GPR139: variants seen among roughly 807,000 people sequenced by gnomAD.
The protein encoded by GPR139 is probable G protein-coupled receptor 139.
GPR139 carries 12 observed loss-of-function variants against 25.8 expected under a neutral mutation model. That is an observed-to-expected ratio of 0.47 (90% CI 0.30 to 0.75). GPR139 has a LOEUF of 0.75. Ranked by LOEUF, GPR139 falls within the 30% of genes least tolerant of loss-of-function variation. The pLI is 0.07. For missense variants in GPR139, 380 were observed against 450.2 expected, an observed-to-expected ratio of 0.84 and a Z score of 1.41; for synonymous variants, 184 against 179.9, an observed-to-expected ratio of 1.02 and a Z score of -0.18.
intron 1 of GPR139, among the ~76,000 whole-genome samples, chr16:20,045,127 G>A (rs1046415907): frequency 3.3e-5 from 5 of 151,238 alleles, no homozygotes; most frequent in African/African-American, 1.2e-4. Flanking sequence ...AGCCTCCCGA[G>A]ATGCTGGGAT....
chr16:20,070,005 G>A lies in GPR139; in HGVS notation c.127+3485C>T, dbSNP rs1328420191. On this transcript the variant is annotated intron_variant, in intron 1 of 1. Coordinates refer to ENST00000570682, the MANE Select transcript of GPR139 (RefSeq NM_001002911.4). ...GAGTTTTAGGAATAGGTGGGACACCGATTTTCTCCACAGAGCACAGAAAGG... is the reference window on the plus strand; with the variant it reads ...GAGTTTTAGGAATAGGTGGGACACCAATTTTCTCCACAGAGCACAGAAAGG... 5.9e-5 allele frequency among the ~76,000 whole-genome samples: 9 copies of A among 152,300 alleles called. No individual in the cohort carries two copies. The South Asian group carries it at 8.3e-4, about 14-fold the overall frequency.
At chr16:20,064,533 C>T (rs1416822679) in intron 1 of GPR139, among the ~76,000 whole-genome samples, 1 of 152,192 alleles carries the variant, frequency 6.6e-6, no homozygotes, top group Admixed American at 6.5e-5. Flanking sequence ...CACACTGGGA[C>T]TCTGCCTCAA....
chr16:20,032,724 T>C, intron 1 of GPR139, 55 bp from the exon 2 acceptor site: 29 of 1,314,004 alleles, frequency 2.2e-5, no homozygotes, highest in Non-Finnish European at 2.9e-5. Flanking sequence ...CTTCGTTGGC[T>C]CCTATGGGGG....
At chr16:20,045,428 C>T (rs1780711734) in intron 1 of GPR139, among the ~76,000 whole-genome samples, 1 of 152,182 alleles carries the variant, frequency 6.6e-6, no homozygotes. Flanking sequence ...AAAGTATGTG[C>T]AAGACCCAGG....
At chr16:20,040,801 G>T (rs1379575) in intron 1 of GPR139, among the ~76,000 whole-genome samples, 1 of 151,930 alleles carries the variant, frequency 6.6e-6, no homozygotes, top group Non-Finnish European at 1.5e-5. Context: ...GAACTTTTTT[G>T]ATTGCAATGG....
chr16:20,046,307 CAG>C (rs1555466094), intron 1 of GPR139, among the ~76,000 whole-genome samples: 1 of 152,212 alleles, frequency 6.6e-6, no homozygotes, highest in Non-Finnish European at 1.5e-5. Flanking sequence ...GTTCCAGACA[CAG>C]AGATGCAGTG....
At chr16:20,044,801 C>T (rs1338742414) in intron 1 of GPR139, among the ~76,000 whole-genome samples, 3 of 151,938 alleles carry the variant, frequency 2.0e-5, no homozygotes, top group African/African-American at 7.3e-5. Flanking sequence ...ATTTTCATCC[C>T]CTTACAGATA....
At chr16:20,066,215 C>T (rs2057433503) in intron 1 of GPR139, among the ~76,000 whole-genome samples, 1 of 152,232 alleles carries the variant, frequency 6.6e-6, no homozygotes, top group Non-Finnish European at 1.5e-5. Context: ...CTCTGCAGGG[C>T]TGGCATTGGC....
Position 20,032,539 on chromosome 16 carries a change from C to T in GPR139, c.258G>A (p.Leu86=). The T allele has an allele frequency of 1.2e-6, 2 of 1,614,164 alleles. No homozygotes were observed. The highest frequency in any genetic ancestry group is 1.7e-6 in the Non-Finnish European group (2 of 1,180,020). The change falls in exon 2 of 2, where the codon CTG becomes CTA. Residue 86 remains leucine (L), a synonymous_variant. Coordinates refer to ENST00000570682, the MANE Select transcript of GPR139 (RefSeq NM_001002911.4). ...GCATGTTCAAGATGAAATCTTCCAA[C>T]AGGAAGTCCACAAACACTATGAAAA... ...VLFFIVFVDF[L]LEDFILNMQM... is the part of the protein sequence containing the mutation.
chr16:20,061,227 G>GTGTGGATGGA (rs1567239888), intron 1 of GPR139, among the ~76,000 whole-genome samples: 24 of 77,844 alleles, frequency 3.1e-4, no homozygotes, highest in African/African-American at 7.8e-4. Flanking sequence ...GGATGGATGT[G>GTGTGGATGGA]TGGATGGATG....
intron 1 of GPR139, among the ~76,000 whole-genome samples, chr16:20,055,289 A>G (rs114032223): frequency 5.1e-4 from 78 of 152,330 alleles, no homozygotes; most frequent in African/African-American, 1.8e-3. Flanking sequence ...CATTATCTTT[A>G]GCAAACTAAC....
chr16:20,072,089 T>G (rs1374064113), intron 1 of GPR139, among the ~76,000 whole-genome samples: 1 of 152,142 alleles, frequency 6.6e-6, no homozygotes, highest in Non-Finnish European at 1.5e-5. Flanking sequence ...GAACCTGGAC[T>G]AAAATCAATC....
chr16:20,063,183 T>C (rs893355029), intron 1 of GPR139, among the ~76,000 whole-genome samples: 1 of 152,218 alleles, frequency 6.6e-6, no homozygotes, highest in Non-Finnish European at 1.5e-5. Flanking sequence ...GGCACGTGTA[T>C]ATAACCACCC....
chr16:20,048,662 G>A (rs2057361783), intron 1 of GPR139, among the ~76,000 whole-genome samples: 1 of 152,130 alleles, frequency 6.6e-6, no homozygotes, highest in South Asian at 2.1e-4. Flanking sequence ...GAGAATGACA[G>A]CCAACTGTGG....
intron 1 of GPR139, among the ~76,000 whole-genome samples, chr16:20,037,119 C>G (rs963209122): frequency 6.6e-6 from 1 of 152,094 alleles, no homozygotes; most frequent in Non-Finnish European, 1.5e-5. Flanking sequence ...GGGGTGGTAA[C>G]TTTTAGATTA....
intron 1 of GPR139, among the ~76,000 whole-genome samples, chr16:20,071,583 G>C (rs1241820324): frequency 6.6e-6 from 1 of 152,290 alleles, no homozygotes; most frequent in South Asian, 2.1e-4. Flanking sequence ...CCTAATCCTA[G>C]CTTCATCCTT....
chr16:20,034,690 T>A (rs977280866), intron 1 of GPR139, among the ~76,000 whole-genome samples: 4 of 152,186 alleles, frequency 2.6e-5, no homozygotes, highest in Non-Finnish European at 4.4e-5. Flanking sequence ...CAGGTGCACA[T>A]CACTGTGCCC....
chr16:20,037,453 G>GAA (rs139528395), intron 1 of GPR139, among the ~76,000 whole-genome samples: 1,900 of 118,728 alleles, frequency 0.016, 55 homozygotes, highest in African/African-American at 0.052. Flanking sequence ...CTCTGTCTCA[G>GAA]AAAAAAAAAA....
At chr16:20,058,013 G>T (rs2057396697) in intron 1 of GPR139, among the ~76,000 whole-genome samples, 1 of 152,164 alleles carries the variant, frequency 6.6e-6, no homozygotes, top group African/African-American at 2.4e-5. Flanking sequence ...CCTGGTCCTT[G>T]ATAATGCAGC....
Sources: gnomAD v4.1 joint callset for allele counts (sites outside exome capture counted in the v4.1 genomes callset) on GRCh38, gnomAD v4.1.1 for gene constraint, MANE v1.5 for transcripts, NCBI Gene and HGNC (gene_info 2026-07-23, HGNC 2026-07-21) for gene names.